WNT3: variants seen among roughly 807,000 people sequenced by gnomAD.
WNT3 encodes the protein proto-oncogene Wnt-3.
In WNT3, 7 loss-of-function variants were observed where a neutral mutation model predicts 34.2. The ratio of observed to expected loss-of-function variants is 0.20; its 90% confidence interval spans 0.12 to 0.38. WNT3 has a LOEUF of 0.38. Ranked by LOEUF, WNT3 falls within the 10% of genes least tolerant of loss-of-function variation. The pLI, the probability that WNT3 is intolerant of heterozygous loss-of-function variation, is 1.00. For synonymous variants in WNT3, 212 were observed against 211.5 expected, an observed-to-expected ratio of 1.00 and a Z score of -0.02; for missense variants, 267 against 499.8, an observed-to-expected ratio of 0.53 and a Z score of 4.44.
chr17:46,818,392 G>T (rs1218151986), intron 1 of WNT3, 126 bp downstream of exon 1: 6 of 883,130 alleles, frequency 6.8e-6, no homozygotes, highest in East Asian at 2.7e-5. Flanking sequence ...GTGGGCGGGT[G>T]GGGGGCTGGA....
Position 46,818,682 on chromosome 17 carries a change from A to C in WNT3, c.-85T>G. 7.6e-7 allele frequency: 1 copy of C among 1,311,064 alleles called. No homozygotes were observed. The highest frequency in any genetic ancestry group is 1.1e-6 in the Non-Finnish European group (1 of 928,322). 81.2% of individuals were successfully genotyped at this position (1,311,064 alleles called of 1,614,324 possible). A position where few individuals can be genotyped will look rare whatever the true frequency, so the allele number is the denominator to read the frequency against. On this transcript the variant is annotated 5_prime_UTR_variant, in exon 1 of 5. Transcript: ENST00000225512. ...CAATAGTTGGAACAAAGTCCACTTG[A>C]GATTGGAAATGACTTTCGGGCTTGT...
intron 1 of WNT3, among the ~76,000 whole-genome samples, chr17:46,802,520 G>A (rs1255298104): frequency 4.6e-5 from 7 of 152,050 alleles, no homozygotes; most frequent in African/African-American, 1.7e-4. Flanking sequence ...CACCTGCCTC[G>A]GCCTCCCAAA....
intron 1 of WNT3, among the ~76,000 whole-genome samples, chr17:46,774,899 A>G (rs771741278): frequency 1.3e-4 from 20 of 152,292 alleles, no homozygotes; most frequent in Non-Finnish European, 2.2e-4. Flanking sequence ...GACAATTGCA[A>G]TCTGCTGTAT....
intron 1 of WNT3, among the ~76,000 whole-genome samples, chr17:46,790,932 T>C (rs992874952): frequency 6.6e-6 from 1 of 152,216 alleles, no homozygotes; most frequent in Non-Finnish European, 1.5e-5. Flanking sequence ...TGCAGCCTCA[T>C]GCGTCATCTG....
rs940916230 is a variant in WNT3 at position 46,814,518 on chromosome 17, G to T, written c.80+4000C>A. ...CCCGCCATATCCCCCCCAGGGAAAG[G>T]TCTGCCCTGGAAGGGAGACCACCCG... On this transcript the variant is annotated intron_variant, in intron 1 of 4. Coordinates refer to ENST00000225512, the MANE Select transcript of WNT3 (RefSeq NM_030753.5). Among the ~76,000 whole-genome samples the T allele has an allele frequency of 2.0e-5, 3 of 152,162 alleles. No homozygotes were observed. The East Asian group carries it at 5.8e-4, about 29-fold the overall frequency.
Position 46,768,590 on chromosome 17 carries a change from G to A in WNT3, c.798C>T (p.Phe266=). ...CCAGGTCCCTCTCCGTGGGTGGCTTGAAGAGCGAGTACTTGGCCCGGAGGG... is the reference window on the plus strand; with the variant it reads ...CCAGGTCCCTCTCCGTGGGTGGCTTAAAGAGCGAGTACTTGGCCCGGAGGG... ...VETLRAKYSL[F]KPPTERDLVY... is the part of the protein sequence containing the mutation. Residue 266 remains phenylalanine, a synonymous_variant, in exon 4 of 5, where the codon TTC becomes TTT. Transcript: ENST00000225512. This position sits in a 1 kb window ranked among gnomAD's most constrained non-coding sequence, Gnocchi z 5.0. The A allele has an allele frequency of 6.2e-7, 1 of 1,614,176 alleles. No homozygotes were observed. Among genetic ancestry groups the A allele is most frequent in the South Asian group, 1.1e-5 (1 of 91,086 alleles).
At chr17:46,770,158 A>C (rs1455313555) in intron 2 of WNT3, 110 bp from the exon 3 acceptor site, 1 of 1,386,550 alleles carries the variant, frequency 7.2e-7, no homozygotes, top group African/African-American at 1.4e-5. Flanking sequence ...GAAGAGTTGA[A>C]GAGCTCACCA....
chr17:46,810,849 T>C (rs1441787678), intron 1 of WNT3, among the ~76,000 whole-genome samples: 2 of 152,202 alleles, frequency 1.3e-5, no homozygotes, highest in Non-Finnish European at 2.9e-5. Context: ...AGTTGCCTAA[T>C]ATCAAGATGG....
intron 2 of WNT3, 49 bp downstream of exon 2, chr17:46,773,619 T>TGGGGGGGGGGGGGGGGGGGGGGGGG: frequency 1.3e-5 from 7 of 549,848 alleles, no homozygotes; most frequent in Non-Finnish European, 1.3e-5. Flanking sequence ...ACAGTCCTGA[T>TGGGGGGGGGGGGGGGGGGGGGGGGG]CCCTCCCCCC....
chr17:46,805,628 G>A (rs2084185275), intron 1 of WNT3, among the ~76,000 whole-genome samples: 1 of 152,122 alleles, frequency 6.6e-6, no homozygotes, highest in Non-Finnish European at 1.5e-5. Context: ...GTGCTTGCCT[G>A]TAGTCTTAGT....
chr17:46,817,540 G>A (rs1045161257), intron 1 of WNT3, among the ~76,000 whole-genome samples: 5 of 152,148 alleles, frequency 3.3e-5, no homozygotes, highest in Non-Finnish European at 5.9e-5. Context: ...GTGGGAGAGC[G>A]GCGATGGGGC....
chr17:46,801,642 GAATTA>G (rs1209176134), intron 1 of WNT3, among the ~76,000 whole-genome samples: 3 of 147,252 alleles, frequency 2.0e-5, no homozygotes, highest in Non-Finnish European at 3.0e-5. Context: ...GAATTGAATT[GAATTA>G]AATTAAATTA....
rs1381354047 is a variant in WNT3, at chr17:46,804,277, G to A, written c.80+14241C>T. ...TAATTTTTGTATTTTTAGTAGAGAC[G>A]GGGTTTCAGCATGTTGGCCAGGCTG... On this transcript the variant is annotated intron_variant, in intron 1 of 4. Coordinates refer to ENST00000225512, the MANE Select transcript of WNT3 (RefSeq NM_030753.5). Among the ~76,000 whole-genome samples the A allele has an allele frequency of 3.9e-5, 6 of 151,900 alleles. 1 individual carries two copies. The highest frequency in any genetic ancestry group is 4.1e-4 in the South Asian group (2 of 4,820).
chr17:46,810,427 AAT>A (rs2084258695), intron 1 of WNT3, among the ~76,000 whole-genome samples: 1 of 152,120 alleles, frequency 6.6e-6, no homozygotes, highest in African/African-American at 2.4e-5. Flanking sequence ...CCTGATGCTC[AAT>A]GGAGAGCCCC....
intron 1 of WNT3, among the ~76,000 whole-genome samples, chr17:46,816,620 G>A (rs2084353612): frequency 6.6e-6 from 1 of 152,094 alleles, no homozygotes; most frequent in Non-Finnish European, 1.5e-5. Flanking sequence ...GACCTTCCAG[G>A]TTTCCCCAGC....
intron 1 of WNT3, among the ~76,000 whole-genome samples, chr17:46,815,852 C>T (rs2084335042): frequency 6.6e-6 from 1 of 152,136 alleles, no homozygotes; most frequent in African/African-American, 2.4e-5. Context: ...CATGGCTGCC[C>T]ACCAAACACC....
intron 1 of WNT3, among the ~76,000 whole-genome samples, chr17:46,795,513 C>T (rs2084041779): frequency 6.6e-6 from 1 of 152,202 alleles, no homozygotes; most frequent in South Asian, 2.1e-4. Context: ...GTCTAACCCT[C>T]TCAGATCCAA....
chr17:46,774,748 G>A (rs1294956325), intron 1 of WNT3, among the ~76,000 whole-genome samples: 1 of 152,156 alleles, frequency 6.6e-6, no homozygotes, highest in Non-Finnish European at 1.5e-5. Context: ...TATGGGGGTG[G>A]GGCAGAAGAG....
intron 1 of WNT3, among the ~76,000 whole-genome samples, chr17:46,781,026 C>T (rs191923401): frequency 3.3e-5 from 5 of 151,700 alleles, no homozygotes; most frequent in South Asian, 2.1e-4. Flanking sequence ...GTCAGGAGTT[C>T]GAGACCAGCC....
Sources: allele counts gnomAD v4.1 joint callset (sites outside exome capture counted in the v4.1 genomes callset), GRCh38; gene constraint gnomAD v4.1.1; non-coding constraint Gnocchi (gnomAD v3.1); transcripts MANE v1.5; gene names NCBI Gene and HGNC (gene_info 2026-07-23, HGNC 2026-07-21).